ASB5: variants seen among roughly 807,000 people sequenced by gnomAD.
The protein encoded by ASB5 is ankyrin repeat and SOCS box containing 5.
Under a neutral mutation model 42.1 loss-of-function variants are expected in ASB5, and 45 were observed. The observed-to-expected ratio is 1.07, with a 90% CI of 0.84 to 1.37. ASB5 has a LOEUF of 1.37. Ranked by LOEUF, ASB5 falls within the 40% of genes most tolerant of loss-of-function variation. The probability of loss-of-function intolerance (pLI) is 0.00; values close to 1 mark genes in which losing one functional copy is unlikely to be tolerated. For missense variants in ASB5, 402 were observed against 399.8 expected (o/e 1.01, Z -0.05); for synonymous variants, 147 against 150.6 (o/e 0.98, Z 0.18).
chr4:176,242,569 A>C (rs767106248), intron 1 of ASB5, among the ~76,000 whole-genome samples: 4 of 152,190 alleles, frequency 2.6e-5, no homozygotes, highest in Non-Finnish European at 4.4e-5. Context: ...TATGGTAAAA[A>C]TGTCAGCGGT....
At position 176,249,892 on chromosome 4, in the gene ASB5, C is replaced by T. The variant is rs184224564; in HGVS notation, c.196+19021G>A. 4.1e-4 allele frequency among the ~76,000 whole-genome samples: 61 copies of T among 150,290 alleles called. 2 individuals are homozygous for T. In the East Asian group the frequency reaches 0.01, roughly 25 times the overall value. On this transcript the variant is annotated intron_variant, in intron 1 of 6. Transcript: ENST00000296525. ...CATCCTGGCTAACACAGTGAAACCC[C>T]GTCTCTACTAAAAACACAAAAAATT...
intron 1 of ASB5, among the ~76,000 whole-genome samples, chr4:176,229,151 G>T: frequency 6.6e-6 from 1 of 152,046 alleles, no homozygotes; most frequent in East Asian, 1.9e-4. Context: ...TTGTATAATA[G>T]TATATTTCAT....
At chr4:176,261,245 A>G (rs2126976270) in intron 1 of ASB5, among the ~76,000 whole-genome samples, 1 of 152,306 alleles carries the variant, frequency 6.6e-6, no homozygotes, top group Middle Eastern at 3.4e-3. Context: ...TTGGGGAGGT[A>G]TTCCATCTTC....
intron 5 of ASB5, among the ~76,000 whole-genome samples, chr4:176,218,218 G>GAT (rs199848866): frequency 0.33 from 9,406 of 28,770 alleles, 3,373 homozygotes; most frequent in African/African-American, 0.51. Context: ...ATATTTGTAT[G>GAT]ATATAAATAT....
In ASB5 at chr4:176,221,619, T is replaced by C; in HGVS notation, c.385-19A>G. ...CATTTACCTAAACCAAACCAAAATATCCAAACATAAGATTCATAAGTCATA... is the reference window on the plus strand; with the variant it reads ...CATTTACCTAAACCAAACCAAAATACCCAAACATAAGATTCATAAGTCATA... On this transcript the variant is annotated intron_variant, in intron 3 of 6. Coordinates refer to ENST00000296525, the MANE Select transcript of ASB5 (RefSeq NM_080874.4). The C allele has an allele frequency of 1.9e-6, 3 of 1,584,152 alleles. No homozygotes were observed. The highest frequency in any genetic ancestry group is 2.6e-6 in the Non-Finnish European group (3 of 1,158,940).
chr4:176,254,052 A>G (rs907388163), intron 1 of ASB5, among the ~76,000 whole-genome samples: 3 of 152,104 alleles, frequency 2.0e-5, no homozygotes, highest in Non-Finnish European at 4.4e-5. Context: ...AACTAGAAAA[A>G]CCTATTATAA....
Position 176,237,239 on chromosome 4 carries a change from G to T in ASB5, c.197-11898C>A, listed in dbSNP as rs191641752. On this transcript the variant is annotated intron_variant, in intron 1 of 6. Coordinates refer to ENST00000296525, the MANE Select transcript of ASB5 (RefSeq NM_080874.4). ...TTAAAGTTAGTATTTGCAAAAACAG[G>T]CCAATGTGGTTTATTTCAGGACACT... 384 of 975,112 alleles carry T rather than the reference G, an allele frequency of 3.9e-4. 1 individual carries two copies. The highest frequency in any genetic ancestry group is 3.0e-3 in the African/African-American group (171 of 57,076). The allele number at this position is 975,112 out of a possible 1,614,324, so 60.4% of individuals were successfully genotyped here.
At chr4:176,236,591 T>G (rs896230830) in intron 1 of ASB5, among the ~76,000 whole-genome samples, 2 of 152,234 alleles carry the variant, frequency 1.3e-5, no homozygotes, top group African/African-American at 4.8e-5. Context: ...TTTGAAAATA[T>G]GCTTTGTATG....
rs139621232 is a variant in ASB5, at chr4:176,259,114, G to A, written c.196+9799C>T. ...GGTGGGAGAGAGAGAGAAGGAGAGA[G>A]ATGCTTACAGTTTCATTTCACTCCT... On this transcript the variant is annotated intron_variant, in intron 1 of 6. Transcript: ENST00000296525. Among the ~76,000 whole-genome samples, 85 of 152,146 alleles carry A rather than the reference G, an allele frequency of 5.6e-4. 1 individual carries two copies. Among genetic ancestry groups the A allele is most frequent in the African/African-American group, 2.0e-3 (83 of 41,520 alleles).
intron 1 of ASB5, among the ~76,000 whole-genome samples, chr4:176,265,310 C>T (rs1754335711): frequency 6.6e-6 from 1 of 152,184 alleles, no homozygotes; most frequent in Non-Finnish European, 1.5e-5. Context: ...TCAAGCTCTG[C>T]CTCCTCTTTG....
rs1019006033 is a variant in ASB5 at position 176,225,286 on chromosome 4, A to G, written c.252T>C (p.Leu84=). The change falls in exon 2 of 7, where the codon CTT becomes CTC. Residue 84 remains leucine (L), a synonymous_variant. Coordinates refer to ENST00000296525, the MANE Select transcript of ASB5 (RefSeq NM_080874.4). Reference sequence around the variant, plus strand: ...CCTGTGATAATAATGTTCTCAGAGCAAGAAGGCGACCTTGACTTGCTGCTT... The same window carrying G: ...CCTGTGATAATAATGTTCTCAGAGCGAGAAGGCGACCTTGACTTGCTGCTT... ...LHEAASQGRL[L]ALRTLLSQGY... 1.9e-6 allele frequency: 3 copies of G among 1,613,890 alleles called. No individual in the cohort carries two copies. The highest frequency in any genetic ancestry group is 2.5e-6 in the Non-Finnish European group (3 of 1,179,862).
intron 1 of ASB5, among the ~76,000 whole-genome samples, chr4:176,227,641 A>C (rs1478835019): frequency 6.6e-6 from 1 of 152,140 alleles, no homozygotes; most frequent in Non-Finnish European, 1.5e-5. Context: ...TCTGTTTTCC[A>C]GGTGAGGAAA....
intron 2 of ASB5, among the ~76,000 whole-genome samples, chr4:176,224,483 C>G (rs1276062618): frequency 6.6e-6 from 1 of 151,834 alleles, no homozygotes; most frequent in Non-Finnish European, 1.5e-5. Context: ...GATCCACATG[C>G]CTCCGCCTCC....
intron 1 of ASB5, among the ~76,000 whole-genome samples, chr4:176,232,489 C>T (rs1378923734): frequency 6.6e-6 from 1 of 152,064 alleles, no homozygotes; most frequent in Non-Finnish European, 1.5e-5. Context: ...CAGTGAAACC[C>T]TTAACCTGCA....
intron 1 of ASB5, among the ~76,000 whole-genome samples, chr4:176,246,321 T>C (rs564471360): frequency 1.3e-5 from 2 of 152,330 alleles, no homozygotes; most frequent in African/African-American, 4.8e-5. Context: ...GGCAATCTTC[T>C]ATAAAGTCTT....
At chr4:176,250,229 G>A (rs1024988997) in intron 1 of ASB5, among the ~76,000 whole-genome samples, 1 of 152,154 alleles carries the variant, frequency 6.6e-6, no homozygotes, top group African/African-American at 2.4e-5. Context: ...GAATAGGGTG[G>A]CTGAGGTCAC....
chr4:176,269,073 T>C lies in ASB5; in HGVS notation c.36A>G (p.Gln12=), dbSNP rs368594775. Reference sequence around the variant, plus strand: ...TTGTAAAGTAGACATTGGATAATTGTTGAGCAAACGGCCGATTTTCTTCTA... The same window carrying C: ...TTGTAAAGTAGACATTGGATAATTGCTGAGCAAACGGCCGATTTTCTTCTA... ...SVLEENRPFA[Q]QLSNVYFTIL... Residue 12 remains glutamine (Q), a synonymous_variant, in exon 1 of 7, where the codon CAA becomes CAG. Coordinates refer to ENST00000296525, the MANE Select transcript of ASB5 (RefSeq NM_080874.4). 1.2e-4 allele frequency: 200 copies of C among 1,611,260 alleles called. No homozygotes were observed. The highest frequency in any genetic ancestry group is 1.6e-4 in the Non-Finnish European group (189 of 1,178,738).
chr4:176,228,327 T>G (rs1238136181), intron 1 of ASB5, among the ~76,000 whole-genome samples: 1 of 152,222 alleles, frequency 6.6e-6, no homozygotes, highest in African/African-American at 2.4e-5. Context: ...CAGTTAAGTC[T>G]TATCACATAT....
At chr4:176,238,059 T>C (rs188203007) in intron 1 of ASB5, among the ~76,000 whole-genome samples, 81 of 152,092 alleles carry the variant, frequency 5.3e-4, no homozygotes, top group Middle Eastern at 3.4e-3. Flanking sequence ...CCGTCTTTAC[T>C]AAAAATACAA....
Sources: gnomAD v4.1 joint callset for allele counts (sites outside exome capture counted in the v4.1 genomes callset) on GRCh38, gnomAD v4.1.1 for gene constraint, MANE v1.5 for transcripts, NCBI Gene and HGNC (gene_info 2026-07-23, HGNC 2026-07-21) for gene names.